KCNIP4: variants seen among roughly 807,000 people sequenced by gnomAD.
KCNIP4 encodes the protein potassium voltage-gated channel interacting protein 4.
A neutral mutation model predicts 34.0 loss-of-function variants in KCNIP4; 12 were observed. That is an observed-to-expected ratio of 0.35 (90% CI 0.23 to 0.57). The LOEUF (loss-of-function observed/expected upper bound fraction) is 0.57, where lower values mean the gene tolerates loss of function less well. Ranked by LOEUF, KCNIP4 falls within the 20% of genes least tolerant of loss-of-function variation. The pLI is 0.83. For missense variants in KCNIP4, 238 were observed against 311.7 expected (o/e 0.76, Z 1.78); for synonymous variants, 124 against 102.2 (o/e 1.21, Z -1.29).
intron 1 of KCNIP4, among the ~76,000 whole-genome samples, chr4:20,971,510 G>A (rs1734949808): frequency 6.6e-6 from 1 of 151,806 alleles, no homozygotes; most frequent in Non-Finnish European, 1.5e-5. Context: ...GAATATAAAT[G>A]TTTACACAAT....
At chr4:20,922,543 GTCTGTCTATCTA>G (rs1303811333) in intron 1 of KCNIP4, among the ~76,000 whole-genome samples, 417 of 81,938 alleles carry the variant, frequency 5.1e-3, no homozygotes, top group Non-Finnish European at 7.6e-3. Context: ...CTGTCTGTCT[GTCTGTCTATCTA>G]TCTATCTATC....
chr4:21,524,600 T>G (rs1459995658), intron 1 of KCNIP4, among the ~76,000 whole-genome samples: 2 of 152,176 alleles, frequency 1.3e-5, no homozygotes, highest in African/African-American at 4.8e-5. Flanking sequence ...TTAACACTTA[T>G]TCGTTCTTTA....
At chr4:21,492,676 A>G (rs2109864540) in intron 1 of KCNIP4, among the ~76,000 whole-genome samples, 2 of 152,310 alleles carry the variant, frequency 1.3e-5, no homozygotes, top group Middle Eastern at 3.4e-3. Context: ...CCTAACTGCT[A>G]CCTTTAAAAT....
At chr4:21,031,083 C>A (rs1006729136) in intron 1 of KCNIP4, among the ~76,000 whole-genome samples, 1 of 152,196 alleles carries the variant, frequency 6.6e-6, no homozygotes, top group African/African-American at 2.4e-5. Context: ...CATCTTCCAT[C>A]TGGTCTCCAA....
At chr4:21,338,453 G>A (rs2109341075) in intron 1 of KCNIP4, among the ~76,000 whole-genome samples, 1 of 150,682 alleles carries the variant, frequency 6.6e-6, no homozygotes, top group Middle Eastern at 3.5e-3. Context: ...TTTAGTAAAT[G>A]ATGTCTAGCC....
intron 1 of KCNIP4, among the ~76,000 whole-genome samples, chr4:21,715,372 C>T (rs887531293): frequency 7.2e-5 from 11 of 152,038 alleles, no homozygotes; most frequent in Non-Finnish European, 1.5e-4. Flanking sequence ...CCTTGTGATC[C>T]GCCCACCTTG....
chr4:21,860,091 T>A (rs1247059346), intron 1 of KCNIP4, among the ~76,000 whole-genome samples: 1 of 152,162 alleles, frequency 6.6e-6, no homozygotes, highest in Non-Finnish European at 1.5e-5. Context: ...AATTTTTAAA[T>A]GCATGTATTT....
chr4:21,081,064 C>A (rs1173670241), intron 1 of KCNIP4, among the ~76,000 whole-genome samples: 1 of 151,548 alleles, frequency 6.6e-6, no homozygotes, highest in Non-Finnish European at 1.5e-5. Flanking sequence ...AGTTATTAGC[C>A]CATAAACTGT....
chr4:21,507,361 T>G (rs1177340916), intron 1 of KCNIP4, among the ~76,000 whole-genome samples: 2 of 150,688 alleles, frequency 1.3e-5, no homozygotes, highest in African/African-American at 4.9e-5. Context: ...ACCTCCCGGG[T>G]TCAAGCAATT....
At chr4:21,374,805 C>T (rs1192291486) in intron 1 of KCNIP4, among the ~76,000 whole-genome samples, 1 of 147,496 alleles carries the variant, frequency 6.8e-6, no homozygotes, top group Non-Finnish European at 1.5e-5. Context: ...GATATACTGG[C>T]TTTGGCTTCC....
chr4:21,757,749 T>G (rs1717762010), intron 1 of KCNIP4, among the ~76,000 whole-genome samples: 1 of 152,154 alleles, frequency 6.6e-6, no homozygotes, highest in East Asian at 1.9e-4. Context: ...ATTCAATAAG[T>G]GTTCATTGAA....
chr4:21,683,446 A>ATTTTTTTTTTTTTTTTTTTTTTTTTT lies in KCNIP4; in HGVS notation c.61+265099_61+265124dup, dbSNP rs71191533. 1.5e-4 allele frequency among the ~76,000 whole-genome samples: 7 copies of ATTTTTTTTTTTTTTTTTTTTTTTTTT among 46,554 alleles called. 2 individuals carry two copies. Among genetic ancestry groups the ATTTTTTTTTTTTTTTTTTTTTTTTTT allele is most frequent in the Non-Finnish European group, 2.1e-4 (5 of 24,000 alleles). 30.5% of individuals were successfully genotyped at this position (46,554 alleles called of 152,430 possible). On this transcript the variant is annotated intron_variant, in intron 1 of 8. Transcript: ENST00000382152. ...TACGACTAATGATTGGTGAAGCCAG[A>ATTTTTTTTTTTTTTTTTTTTTTTTTT]TTTTTTTTTTTTTTTTTTTTTTTTT...
At chr4:21,589,195 T>TAAGTACACATGTATCTATACAGATAC (rs1741932667) in intron 1 of KCNIP4, among the ~76,000 whole-genome samples, 1 of 39,010 alleles carries the variant, frequency 2.6e-5, no homozygotes, top group East Asian at 2.6e-3. Context: ...TATATATATA[T>TAAGTACACATGTATCTATACAGATAC]ATATATGTGT....
intron 1 of KCNIP4, among the ~76,000 whole-genome samples, chr4:21,707,922 AACACACACAT>A (rs1348306871): frequency 2.1e-5 from 2 of 95,524 alleles, no homozygotes; most frequent in African/African-American, 8.5e-5. Flanking sequence ...ATTATCCTGA[AACACACACAT>A]ACACACACAC....
intron 1 of KCNIP4, among the ~76,000 whole-genome samples, chr4:21,214,084 A>C (rs1757404161): frequency 6.6e-6 from 1 of 152,154 alleles, no homozygotes; most frequent in African/African-American, 2.4e-5. Flanking sequence ...ACTGATTTTT[A>C]CCTTATGAGA....
chr4:21,788,679 C>T (rs1246363325), intron 1 of KCNIP4, among the ~76,000 whole-genome samples: 3 of 152,136 alleles, frequency 2.0e-5, no homozygotes, highest in Admixed American at 2.0e-4. Flanking sequence ...TGCAGAATAA[C>T]TATAAAAATA....
chr4:21,835,456 G>A lies in KCNIP4; in HGVS notation c.61+113115C>T, dbSNP rs191341423. Among the ~76,000 whole-genome samples, 677 of 152,100 alleles carry A rather than the reference G, an allele frequency of 4.5e-3. 4 individuals are homozygous for A. The highest frequency in any genetic ancestry group is 0.02 in the Middle Eastern group (6 of 294). ...ACTAACTTCTAAAAAAATTAAAGCT[G>A]TCCAATACTAACCTTGGATGACCCT... On this transcript the variant is annotated intron_variant, in intron 1 of 8. Transcript: ENST00000382152.
intron 1 of KCNIP4, among the ~76,000 whole-genome samples, chr4:21,208,932 C>T (rs1475140836): frequency 6.6e-6 from 1 of 152,014 alleles, no homozygotes; most frequent in African/African-American, 2.4e-5. Flanking sequence ...CTTATAAAAC[C>T]ATCAGATCTC....
intron 1 of KCNIP4, among the ~76,000 whole-genome samples, chr4:21,521,524 A>C (rs1735525033): frequency 6.6e-6 from 1 of 152,112 alleles, no homozygotes; most frequent in South Asian, 2.1e-4. Context: ...CCCTAGGACT[A>C]CTTGCCATGC....
Sources: gnomAD v4.1 joint callset for allele counts (sites outside exome capture counted in the v4.1 genomes callset) on GRCh38, gnomAD v4.1.1 for gene constraint, MANE v1.5 for transcripts, NCBI Gene and HGNC (gene_info 2026-07-23, HGNC 2026-07-21) for gene names.